Variants in MYO18B observed in about 807,000 individuals in gnomAD.
MYO18B encodes the protein unconventional myosin-XVIIIb.
A neutral mutation model predicts 273.0 loss-of-function variants in MYO18B; 204 were observed. The observed-to-expected ratio is 0.75, with a 90% CI of 0.67 to 0.84. MYO18B has a LOEUF of 0.84. Among genes scored for constraint, MYO18B ranks in the 40% least tolerant of loss-of-function variants. The pLI, the probability that MYO18B is intolerant of heterozygous loss-of-function variation, is 0.00. For missense variants in MYO18B, 3,212 were observed against 3,287.6 expected, an observed-to-expected ratio of 0.98 and a Z score of 0.56; for synonymous variants, 1,330 against 1,305.7, an observed-to-expected ratio of 1.02 and a Z score of -0.40.
chr22:26,024,405 G>GGAGGGC (rs1936081971), intron 42 of MYO18B, among the ~76,000 whole-genome samples: 1 of 152,128 alleles, frequency 6.6e-6, no homozygotes, highest in African/African-American at 2.4e-5. Context: ...CCAGAAGCAG[G>GGAGGGC]GAGGGCTTGG....
chr22:25,902,404 T>A (rs566350177), intron 29 of MYO18B, among the ~76,000 whole-genome samples: 1 of 152,306 alleles, frequency 6.6e-6, no homozygotes, highest in Non-Finnish European at 1.5e-5. Context: ...GTTTTTCAGA[T>A]TCCCACCCTA....
Position 25,883,889 on chromosome 22 carries a change from TG to T in MYO18B, c.4314+5842del, listed in dbSNP as rs1333144163. Among the ~76,000 whole-genome samples, 1 of 152,236 alleles carries T rather than the reference TG, an allele frequency of 6.6e-6. No individual in the cohort carries two copies. The highest frequency in any genetic ancestry group is 1.9e-4 in the East Asian group (1 of 5,190). On this transcript the variant is annotated intron_variant, in intron 25 of 43. Coordinates refer to ENST00000335473, the MANE Select transcript of MYO18B (RefSeq NM_032608.7). This position sits in a 1 kb window ranked among gnomAD's most constrained non-coding sequence, Gnocchi z 7.6. ...TCTGGCTATAAATACTCTTCAAGCA[TG>T]CAAAATGTGCCTTGATGCAAACTGG...
intron 11 of MYO18B, among the ~76,000 whole-genome samples, chr22:25,788,744 C>T (rs2087506364): frequency 6.6e-6 from 1 of 152,146 alleles, no homozygotes; most frequent in African/African-American, 2.4e-5. Context: ...TAGCCAGCCC[C>T]CGTACTATGA....
intron 42 of MYO18B, among the ~76,000 whole-genome samples, chr22:26,008,613 CTGA>C (rs1934631671): frequency 6.6e-6 from 1 of 152,218 alleles, no homozygotes; most frequent in Non-Finnish European, 1.5e-5. Context: ...GCTGCTGCCG[CTGA>C]TAAGTGCAAG....
At chr22:25,880,528 A>G (rs1207729305) in intron 25 of MYO18B, among the ~76,000 whole-genome samples, 2 of 152,134 alleles carry the variant, frequency 1.3e-5, no homozygotes, top group Non-Finnish European at 2.9e-5. Context: ...TTCTAGTCTC[A>G]GCTCTGTTTG....
the MYO18B span, among the ~76,000 whole-genome samples, chr22:26,036,088 G>A: frequency 6.6e-6 from 1 of 152,204 alleles, no homozygotes; most frequent in East Asian, 1.9e-4. Context: ...AGGGGAGACT[G>A]TTGTTGCAGC....
At chr22:25,766,149 T>C (rs1425552291) in intron 3 of MYO18B, among the ~76,000 whole-genome samples, 4 of 151,974 alleles carry the variant, frequency 2.6e-5, no homozygotes, top group Non-Finnish European at 5.9e-5. Flanking sequence ...GCATCTAATA[T>C]GCCGCAGTTC....
intron 32 of MYO18B, 101 bp downstream of exon 32, chr22:25,908,533 G>A (rs1375716643): frequency 3.0e-5 from 29 of 967,626 alleles, no homozygotes; most frequent in Non-Finnish European, 3.9e-5. Flanking sequence ...CTGGGATCTG[G>A]GGACAAGCTC....
At chr22:25,947,354 C>T (rs1038893282) in intron 35 of MYO18B, among the ~76,000 whole-genome samples, 3 of 151,960 alleles carry the variant, frequency 2.0e-5, no homozygotes, top group African/African-American at 4.8e-5. Context: ...TCAGGGAGAG[C>T]GCCGGGATTT....
At chr22:25,986,833 T>C (rs9624943) in intron 39 of MYO18B, among the ~76,000 whole-genome samples, 3,721 of 152,294 alleles carry the variant, frequency 0.024, 135 homozygotes, top group African/African-American at 0.085. Context: ...ATGTGCCAGA[T>C]GCTGGAAATA....
At chr22:25,787,208 C>CTT (rs1211997045) in intron 11 of MYO18B, among the ~76,000 whole-genome samples, 1 of 151,366 alleles carries the variant, frequency 6.6e-6, no homozygotes, top group East Asian at 1.9e-4. Context: ...GAGCGAGACT[C>CTT]TGTCTCAGAA....
At chr22:25,753,304 A>G (rs987515964) in intron 1 of MYO18B, among the ~76,000 whole-genome samples, 2 of 152,182 alleles carry the variant, frequency 1.3e-5, no homozygotes, top group African/African-American at 4.8e-5. Flanking sequence ...AAACGCACCA[A>G]TCAGCAGTCT....
chr22:25,770,319 T>A, intron 5 of MYO18B, 143 bp downstream of exon 5: 1 of 717,824 alleles, frequency 1.4e-6, no homozygotes, highest in Non-Finnish European at 2.4e-6. Flanking sequence ...TCAAAGGCAT[T>A]TGTGTCTTGA....
At chr22:25,870,539 A>G (rs935353637) in intron 22 of MYO18B, among the ~76,000 whole-genome samples, 5 of 152,354 alleles carry the variant, frequency 3.3e-5, no homozygotes, top group South Asian at 2.1e-4. Context: ...GTATGCGTCT[A>G]TTGTTGACGG....
At chr22:25,860,843 G>A (rs913267093) in intron 21 of MYO18B, among the ~76,000 whole-genome samples, 10 of 151,778 alleles carry the variant, frequency 6.6e-5, no homozygotes, top group Non-Finnish European at 1.3e-4. Context: ...GTTAGTTGGG[G>A]CAATTTGGTT....
At chr22:25,944,173 TG>T (rs1238047305) in intron 34 of MYO18B, among the ~76,000 whole-genome samples, 3 of 152,204 alleles carry the variant, frequency 2.0e-5, no homozygotes, top group African/African-American at 7.2e-5. Flanking sequence ...AGTTACCTGC[TG>T]GAAAATAAGA....
intron 11 of MYO18B, among the ~76,000 whole-genome samples, chr22:25,789,031 C>CT (rs2087522198): frequency 6.6e-6 from 1 of 151,962 alleles, no homozygotes; most frequent in Non-Finnish European, 1.5e-5. Flanking sequence ...TCTTCTTCTT[C>CT]TTTCTTCCTT....
At chr22:25,846,598 C>T (rs1267613125) in intron 19 of MYO18B, among the ~76,000 whole-genome samples, 1 of 152,182 alleles carries the variant, frequency 6.6e-6, no homozygotes, top group East Asian at 1.9e-4. Context: ...ATATGAGAGC[C>T]AGACTAGCCC....
chr22:25,840,940 A>G (rs996508574), intron 17 of MYO18B, among the ~76,000 whole-genome samples: 1 of 152,190 alleles, frequency 6.6e-6, no homozygotes, highest in African/African-American at 2.4e-5. Flanking sequence ...TAATTATGAC[A>G]TTTTGGTTAA....
Sources: gnomAD v4.1 joint callset for allele counts (sites outside exome capture counted in the v4.1 genomes callset) on GRCh38, gnomAD v4.1.1 for gene constraint, Gnocchi (gnomAD v3.1) non-coding constraint, MANE v1.5 for transcripts, NCBI Gene and HGNC (gene_info 2026-07-23, HGNC 2026-07-21) for gene names.